The following RGS12 variants were observed in gnomAD, a reference collection of about 807,000 sequenced individuals.
The protein encoded by RGS12 is regulator of G-protein signaling 12.
Under a neutral mutation model 120.1 loss-of-function variants are expected in RGS12, and 66 were observed. The observed-to-expected ratio is 0.55, with a 90% CI of 0.45 to 0.67. The LOEUF (loss-of-function observed/expected upper bound fraction) is 0.67. Ranked by LOEUF, RGS12 falls within the 30% of genes least tolerant of loss-of-function variation. RGS12 has a pLI of 0.00. For missense variants in RGS12, 1,859 were observed against 1,957.7 expected, an observed-to-expected ratio of 0.95 and a Z score of 0.95; for synonymous variants, 827 against 804.7, an observed-to-expected ratio of 1.03 and a Z score of -0.47.
chr4:3,319,565 C>A (rs1383512095), intron 2 of RGS12, among the ~76,000 whole-genome samples: 1 of 152,050 alleles, frequency 6.6e-6, no homozygotes, highest in Non-Finnish European at 1.5e-5. Context: ...GTAGCTGGGA[C>A]TACTGAGTAG....
intron 10 of RGS12, among the ~76,000 whole-genome samples, chr4:3,422,100 G>A (rs184593506): frequency 6.6e-6 from 1 of 152,324 alleles, no homozygotes; most frequent in Non-Finnish European, 1.5e-5. Flanking sequence ...GCTTCTGGGT[G>A]GAGAAGCCCA....
rs1287963396 is a variant in RGS12, at chr4:3,390,798, C to T, written c.2020+4361C>T. On this transcript the variant is annotated intron_variant, in intron 4 of 17. Transcript: ENST00000336727. The surrounding 1 kb of genome is among the most constrained non-coding windows in gnomAD (Gnocchi z 4.6). ...GGCACTGAGGCCTGGGGAGCTGTCA[C>T]AAACGGCTGCCTGATGGGGGAGGGT... is the stretch of plus-strand genomic sequence containing the variant. Among the ~76,000 whole-genome samples the T allele has an allele frequency of 6.6e-6, 1 of 152,248 alleles. No homozygotes were observed. The highest frequency in any genetic ancestry group is 1.9e-4 in the East Asian group (1 of 5,198).
chr4:3,303,643 G>T (rs1482199754), intron 1 of RGS12, among the ~76,000 whole-genome samples: 1 of 152,128 alleles, frequency 6.6e-6, no homozygotes, highest in African/African-American at 2.4e-5. Flanking sequence ...TGTCTCCCTG[G>T]GTGCCTGGCT....
At chr4:3,414,687 A>T in intron 5 of RGS12, 65 bp from the exon 6 acceptor site, 1 of 1,170,074 alleles carries the variant, frequency 8.5e-7, no homozygotes, top group Non-Finnish European at 1.3e-6. Context: ...TTTCTGTAGA[A>T]GGGGAAGTAG....
intron 4 of RGS12, among the ~76,000 whole-genome samples, chr4:3,410,478 C>T (rs906786114): frequency 9.9e-5 from 15 of 152,204 alleles, no homozygotes; most frequent in African/African-American, 3.4e-4. Context: ...TATTCTGTGC[C>T]TTTGGGGGGG....
chr4:3,401,438 C>T (rs1306921158), intron 4 of RGS12, among the ~76,000 whole-genome samples: 1 of 152,224 alleles, frequency 6.6e-6, no homozygotes, highest in Non-Finnish European at 1.5e-5. Flanking sequence ...GGATGTGCCT[C>T]GCACTGTTTG....
chr4:3,424,103 G>T (rs1560172272), intron 13 of RGS12, among the ~76,000 whole-genome samples: 1 of 152,240 alleles, frequency 6.6e-6, no homozygotes, highest in Non-Finnish European at 1.5e-5. Context: ...GCATTTCCAG[G>T]CTGCGCCATT....
intron 17 of RGS12, among the ~76,000 whole-genome samples, chr4:3,438,376 G>C (rs79561021): frequency 6.6e-6 from 1 of 152,012 alleles, no homozygotes; most frequent in South Asian, 2.1e-4. Flanking sequence ...AGATGGGGGG[G>C]TGGGGTCACT....
chr4:3,406,609 C>G (rs1021520676), intron 4 of RGS12, among the ~76,000 whole-genome samples: 1 of 152,218 alleles, frequency 6.6e-6, no homozygotes, highest in Non-Finnish European at 1.5e-5. Context: ...GTGCAGTGTC[C>G]TAGAAAAATG....
rs552672505 is a variant in RGS12, at chr4:3,363,974, C to T, written c.1998+20921C>T. Among the ~76,000 whole-genome samples the T allele has an allele frequency of 2.0e-4, 31 of 152,260 alleles. 1 individual carries two copies. The highest frequency in any genetic ancestry group is 6.5e-4 in the African/African-American group (27 of 41,542). The stretch of plus-strand genomic sequence containing the variant: ...GCAGAAGCCATGCTGCCGGAGAGGC[C>T]GGGCACTGGGAGTCTGGGACTCTGC... On this transcript the variant is annotated intron_variant, in intron 3 of 17. Coordinates refer to ENST00000336727, the MANE Select transcript of RGS12 (RefSeq NM_001394154.1).
the RGS12 span, among the ~76,000 whole-genome samples, chr4:3,287,765 AC>A: frequency 6.6e-6 from 1 of 152,228 alleles, no homozygotes; most frequent in Admixed American, 6.5e-5. Flanking sequence ...GGTGAATTCC[AC>A]AACACGGGCA....
At chr4:3,289,007 C>T (rs1722958037), upstream of RGS12, among the ~76,000 whole-genome samples, 1 of 152,192 alleles carries the variant, frequency 6.6e-6, no homozygotes, top group African/African-American at 2.4e-5. Flanking sequence ...ATCTACCTGC[C>T]TCTGCCATCA....
chr4:3,408,878 C>T (rs1320951418), intron 4 of RGS12, among the ~76,000 whole-genome samples: 2 of 152,204 alleles, frequency 1.3e-5, no homozygotes, highest in Non-Finnish European at 2.9e-5. Context: ...AGCACAATTC[C>T]TATGTCAGCA....
intron 3 of RGS12, among the ~76,000 whole-genome samples, chr4:3,383,502 AGGCT>A (rs773229307): frequency 6.6e-6 from 1 of 152,058 alleles, no homozygotes; most frequent in Non-Finnish European, 1.5e-5. Context: ...GCTACTTAGG[AGGCT>A]GACATGGGAG....
At chr4:3,343,359 G>A (rs1317467685) in intron 3 of RGS12, among the ~76,000 whole-genome samples, 1 of 152,140 alleles carries the variant, frequency 6.6e-6, no homozygotes, top group Non-Finnish European at 1.5e-5. Flanking sequence ...GCCTGTCATT[G>A]CCCCCTTAAA....
At chr4:3,423,674 C>G in intron 13 of RGS12, 33 bp downstream of exon 13, 1 of 1,588,274 alleles carries the variant, frequency 6.3e-7, no homozygotes, top group Non-Finnish European at 8.5e-7. Context: ...GCGTCGTCAC[C>G]GCAGGCACTG....
intron 10 of RGS12, among the ~76,000 whole-genome samples, chr4:3,421,523 C>G (rs550199944): frequency 3.3e-5 from 5 of 152,236 alleles, no homozygotes; most frequent in Non-Finnish European, 1.5e-5. Flanking sequence ...CCATTCTGGC[C>G]GGCCTTGCCG....
At chr4:3,340,281 C>T (rs1054098254) in intron 2 of RGS12, among the ~76,000 whole-genome samples, 9 of 152,250 alleles carry the variant, frequency 5.9e-5, no homozygotes, top group African/African-American at 1.2e-4. Context: ...AAGCGAAGGG[C>T]GCTGCTGCTG....
At chr4:3,319,607 G>A (rs1425002948) in intron 2 of RGS12, among the ~76,000 whole-genome samples, 1 of 152,142 alleles carries the variant, frequency 6.6e-6, no homozygotes, top group African/African-American at 2.4e-5. Context: ...ACCATGCCTG[G>A]CTAATTTTTA....
Sources: allele counts gnomAD v4.1 joint callset (sites outside exome capture counted in the v4.1 genomes callset), GRCh38; gene constraint gnomAD v4.1.1; non-coding constraint Gnocchi (gnomAD v3.1); transcripts MANE v1.5; gene names NCBI Gene and HGNC (gene_info 2026-07-23, HGNC 2026-07-21).